UBP1: variants seen among roughly 807,000 people sequenced by gnomAD.
UBP1 encodes the protein upstream-binding protein 1.
In UBP1, 22 loss-of-function variants were observed where a neutral mutation model predicts 76.1. The ratio of observed to expected loss-of-function variants is 0.29; its 90% CI spans 0.21 to 0.41. UBP1 has a LOEUF of 0.41. Ranked by LOEUF, UBP1 falls within the 10% of genes least tolerant of loss-of-function variation. UBP1 has a pLI of 1.00. For missense variants in UBP1, 436 were observed against 668.1 expected, an observed-to-expected ratio of 0.65 and a Z score of 3.83; for synonymous variants, 224 against 237.1, an observed-to-expected ratio of 0.94 and a Z score of 0.51.
At chr3:33,423,793 A>G (rs1343843660) in intron 2 of UBP1, among the ~76,000 whole-genome samples, 6 of 152,246 alleles carry the variant, frequency 3.9e-5, no homozygotes, top group Non-Finnish European at 7.3e-5. Context: ...TGAGAACTGA[A>G]TAAGGTTAAC....
rs2154053800 is a variant in UBP1, at chr3:33,389,435, G to A, written c.*896C>T. 1 of 150,344 alleles carries A rather than the reference G, an allele frequency of 6.7e-6. No individual in the cohort carries two copies. The highest frequency in any genetic ancestry group is 2.0e-4 in the East Asian group (1 of 5,074). The allele number at this position is 150,344 out of a possible 1,614,324, so 9.3% of individuals were successfully genotyped here. On this transcript the variant is annotated 3_prime_UTR_variant, in exon 16 of 16. Transcript: ENST00000283629. Reference sequence around the variant, plus strand: ...CTTGGGTCACCTATTTCCAATGTCTGGGGTAGGGCTTTAAAAATGTTTAAT... The same window carrying A: ...CTTGGGTCACCTATTTCCAATGTCTAGGGTAGGGCTTTAAAAATGTTTAAT...
intron 1 of UBP1, among the ~76,000 whole-genome samples, chr3:33,426,001 A>ATATATATATG (rs2045007150): frequency 2.0e-5 from 1 of 49,536 alleles, no homozygotes; most frequent in Non-Finnish European, 4.1e-5. Context: ...CTCTGAATAT[A>ATATATATATG]TATATATATA....
At chr3:33,416,200 C>G (rs1575478448) in intron 3 of UBP1, 1 of 152,310 alleles carries the variant, frequency 6.6e-6, no homozygotes, top group South Asian at 2.1e-4. Flanking sequence ...TTTCATTAAC[C>G]CTGCCCTGTA....
intron 1 of UBP1, among the ~76,000 whole-genome samples, chr3:33,428,782 A>G (rs1364569784): frequency 1.3e-4 from 19 of 150,818 alleles, no homozygotes. Flanking sequence ...ACTTTCAACC[A>G]AAGTCCTTAC....
intron 1 of UBP1, among the ~76,000 whole-genome samples, chr3:33,431,261 T>C (rs2045107280): frequency 6.6e-6 from 1 of 152,062 alleles, no homozygotes; most frequent in South Asian, 2.1e-4. Context: ...AGATTTTGCA[T>C]TAAATTCAAG....
intron 8 of UBP1, among the ~76,000 whole-genome samples, chr3:33,404,485 T>TA (rs147464429): frequency 0.17 from 23,957 of 144,290 alleles, 2,347 homozygotes; most frequent in East Asian, 0.41. Flanking sequence ...ATAATAGGAT[T>TA]AAAAAAAAAA....
At chr3:33,418,015 T>C (rs1020240732) in intron 2 of UBP1, among the ~76,000 whole-genome samples, 2 of 152,192 alleles carry the variant, frequency 1.3e-5, no homozygotes, top group African/African-American at 4.8e-5. Context: ...AACACCTGTA[T>C]GGGAAGAGAC....
At position 33,421,276 on chromosome 3, in the gene UBP1, A is replaced by G. The variant is rs373666772; in HGVS notation, c.265+4314T>C. 3.4e-5 allele frequency among the ~76,000 whole-genome samples: 5 copies of G among 145,208 alleles called. No individual in the cohort carries two copies. The East Asian group carries it at 8.9e-4, about 26-fold the overall frequency. On this transcript the variant is annotated intron_variant, in intron 2 of 15. Coordinates refer to ENST00000283629, the MANE Select transcript of UBP1 (RefSeq NM_014517.5). ...ATTCAGGCATAACCAGGGAAACACA[A>G]ACACAGGTTGCTTTTTTTCTTGCAG... is the stretch of plus-strand genomic sequence containing the variant.
chr3:33,400,916 G>A, intron 10 of UBP1, 46 bp downstream of exon 10: 1 of 1,564,068 alleles, frequency 6.4e-7, no homozygotes, highest in Non-Finnish European at 8.7e-7. Context: ...ACTTTAAAAT[G>A]TAGAACCCTG....
chr3:33,409,092 A>AT, intron 7 of UBP1, 144 bp downstream of exon 7: 2 of 823,430 alleles, frequency 2.4e-6, no homozygotes, highest in Non-Finnish European at 3.8e-6. Context: ...AAATTTAAAT[A>AT]TTTTCCCCAG....
intron 1 of UBP1, among the ~76,000 whole-genome samples, chr3:33,430,382 G>A (rs895505744): frequency 1.3e-5 from 2 of 152,156 alleles, no homozygotes; most frequent in South Asian, 2.1e-4. Context: ...AGCCTGGTCC[G>A]GGGAACCACT....
chr3:33,430,282 G>A (rs2045091244), intron 1 of UBP1, among the ~76,000 whole-genome samples: 1 of 152,200 alleles, frequency 6.6e-6, no homozygotes, highest in Admixed American at 6.5e-5. Context: ...GGCCTTGTGG[G>A]TGTAGGATAC....
At chr3:33,434,090 AACC>A (rs1452177372) in intron 1 of UBP1, among the ~76,000 whole-genome samples, 2 of 152,160 alleles carry the variant, frequency 1.3e-5, no homozygotes, top group African/African-American at 4.8e-5. Flanking sequence ...CATATCAATA[AACC>A]ACCAAGTTTC....
intron 8 of UBP1, among the ~76,000 whole-genome samples, chr3:33,403,867 TCA>T: frequency 6.6e-6 from 1 of 152,226 alleles, no homozygotes; most frequent in Non-Finnish European, 1.5e-5. Context: ...ATCTGAGGAC[TCA>T]GTTTCAAGGG....
chr3:33,404,017 G>A (rs902757888), intron 8 of UBP1, among the ~76,000 whole-genome samples: 22 of 152,152 alleles, frequency 1.4e-4, no homozygotes, highest in Middle Eastern at 3.4e-3. Flanking sequence ...AGGCCAAGGC[G>A]GTAGCCCAGG....
chr3:33,441,369 A>G (rs1445679018), upstream of UBP1: 8 of 152,316 alleles, frequency 5.3e-5, no homozygotes, highest in African/African-American at 1.9e-4. Context: ...TTCGCCCTGC[A>G]TCGAACTTAC....
chr3:33,440,057 G>A lies in UBP1; in HGVS notation c.-209C>T, dbSNP rs2045267713. ...CGAGCAATTGCAGCGGGAGCGGCCG[G>A]GCCGCCGGCAGCGCCACCCTCCCGC... is the stretch of plus-strand genomic sequence containing the variant. On this transcript the variant is annotated 5_prime_UTR_variant, in exon 1 of 16. Coordinates refer to ENST00000283629, the MANE Select transcript of UBP1 (RefSeq NM_014517.5). The A allele has an allele frequency of 6.2e-6, 3 of 482,864 alleles. No homozygotes were observed. Among genetic ancestry groups the A allele is most frequent in the Admixed American group, 4.4e-5 (1 of 22,526 alleles). The allele number at this position is 482,864 out of a possible 1,614,324, so 29.9% of individuals were successfully genotyped here.
Position 33,402,829 on chromosome 3 carries a change from G to T in UBP1, c.1003C>A (p.Gln335Lys). The stretch of plus-strand genomic sequence containing the variant: ...TCTGGGACACTGCAAGTGCTCTGCT[G>T]TGGGGAGGTGAAAGTGGGCGCTGGG... ...PSPAPTFTSP[Q>K]QSTCSVPDSN... is the part of the protein sequence containing the mutation. The change falls in exon 9 of 16, where the codon CAG becomes AAG. Residue 335 changes from glutamine (Q) to lysine (K), a missense_variant. Around this residue, in one of 3 missense-constraint regions of UBP1, gnomAD observed 210 missense variants for 272.8 expected, o/e 0.77. Transcript: ENST00000283629. 1 of 1,605,028 alleles carries T rather than the reference G, an allele frequency of 6.2e-7. No individual in the cohort carries two copies. The highest frequency in any genetic ancestry group is 1.3e-5 in the African/African-American group (1 of 74,624).
chr3:33,408,458 A>C (rs1359724791), intron 8 of UBP1, among the ~76,000 whole-genome samples: 1 of 152,156 alleles, frequency 6.6e-6, no homozygotes, highest in African/African-American at 2.4e-5. Flanking sequence ...TTTTCCCTCC[A>C]AAACCACCCA....
Sources: gnomAD v4.1 joint callset for allele counts (sites outside exome capture counted in the v4.1 genomes callset) on GRCh38, gnomAD v4.1.1 for gene constraint, gnomAD v4.1.1 regional missense constraint, MANE v1.5 for transcripts, NCBI Gene and HGNC (gene_info 2026-07-23, HGNC 2026-07-21) for gene names.